GPC5: variants seen among roughly 807,000 people sequenced by gnomAD.
The protein encoded by GPC5 is glypican 5, also known as glypican-5.
In GPC5, 47 loss-of-function variants were observed where a neutral mutation model predicts 53.9. That is an observed-to-expected ratio of 0.87 (90% confidence interval 0.69 to 1.11). The LOEUF (loss-of-function observed/expected upper bound fraction) is 1.11. GPC5 is among the 50% of genes most tolerant of loss of function. GPC5 has a pLI of 0.00. For missense variants in GPC5, 748 were observed against 713.1 expected (o/e 1.05, Z -0.56); for synonymous variants, 286 against 263.3 (o/e 1.09, Z -0.84).
intron 7 of GPC5, among the ~76,000 whole-genome samples, chr13:92,579,385 T>A (rs2139051598): frequency 6.7e-6 from 1 of 149,234 alleles, no homozygotes; most frequent in East Asian, 2.0e-4. Flanking sequence ...TCTTGATGAA[T>A]AGAGTTGGTG....
In GPC5 at chr13:91,569,337, T is replaced by C. The variant is rs1003997567; in HGVS notation, c.325+120415T>C. 1.8e-4 allele frequency among the ~76,000 whole-genome samples: 28 copies of C among 152,180 alleles called. 1 individual carries two copies. The highest frequency in any genetic ancestry group is 1.6e-3 in the Admixed American group (24 of 15,254). On this transcript the variant is annotated intron_variant, in intron 2 of 7. Transcript: ENST00000377067. ...AAGATAAGTTCTAGGTCAGTGTTTC[T>C]AAATATTGTTTTTGTCATTGGCTGC...
At chr13:91,399,277 C>T (rs1463068115) in intron 1 of GPC5, 68 bp downstream of exon 1, 1 of 1,532,854 alleles carries the variant, frequency 6.5e-7, no homozygotes, top group Non-Finnish European at 8.8e-7. Context: ...CCCAGGCTCC[C>T]TTGGTGGCAC....
chr13:92,033,293 G>T (rs2040868258), intron 6 of GPC5, among the ~76,000 whole-genome samples: 1 of 152,064 alleles, frequency 6.6e-6, no homozygotes, highest in African/African-American at 2.4e-5. Flanking sequence ...GAGTATTAGA[G>T]TTGGAAAAAA....
At chr13:92,317,635 A>G (rs1234125405) in intron 7 of GPC5, among the ~76,000 whole-genome samples, 1 of 151,386 alleles carries the variant, frequency 6.6e-6, no homozygotes, top group Non-Finnish European at 1.5e-5. Flanking sequence ...CTGGGCTTAC[A>G]GGCATGCACA....
chr13:91,972,747 A>C (rs1421929685), intron 6 of GPC5, among the ~76,000 whole-genome samples: 3 of 152,270 alleles, frequency 2.0e-5, no homozygotes, highest in Middle Eastern at 3.4e-3. Flanking sequence ...GCTGGATATG[A>C]AATTCTGGGT....
At chr13:91,743,295 C>A (rs368456067) in intron 4 of GPC5, among the ~76,000 whole-genome samples, 1 of 151,996 alleles carries the variant, frequency 6.6e-6, no homozygotes, top group East Asian at 1.9e-4. Flanking sequence ...GTTCAAATTA[C>A]GATGAAATTG....
chr13:92,342,729 A>G (rs2043377497), intron 7 of GPC5, among the ~76,000 whole-genome samples: 1 of 152,108 alleles, frequency 6.6e-6, no homozygotes, highest in African/African-American at 2.4e-5. Context: ...AAATATGAGT[A>G]TTTTAATTCC....
chr13:91,497,067 T>C (rs1260569946), intron 2 of GPC5, among the ~76,000 whole-genome samples: 1 of 152,032 alleles, frequency 6.6e-6, no homozygotes, highest in Non-Finnish European at 1.5e-5. Flanking sequence ...TCCTGTCCTC[T>C]AAGTTGTTTT....
chr13:91,625,439 T>C (rs2033973387), intron 2 of GPC5, among the ~76,000 whole-genome samples: 7 of 152,222 alleles, frequency 4.6e-5, no homozygotes, highest in Admixed American at 4.6e-4. Context: ...TCTTTCTTTA[T>C]TGAGCATGGA....
chr13:92,000,526 GT>G (rs971384724), intron 6 of GPC5, among the ~76,000 whole-genome samples: 6 of 152,058 alleles, frequency 3.9e-5, no homozygotes, highest in African/African-American at 1.4e-4. Flanking sequence ...GGAATTTCCA[GT>G]TTTTTTGTTG....
At chr13:92,258,938 C>A (rs1362240232) in intron 7 of GPC5, among the ~76,000 whole-genome samples, 1 of 151,972 alleles carries the variant, frequency 6.6e-6, no homozygotes, top group Non-Finnish European at 1.5e-5. Context: ...TCTGGGAGAC[C>A]CTTGTCTCTA....
intron 7 of GPC5, among the ~76,000 whole-genome samples, chr13:92,162,145 T>C (rs1367014612): frequency 6.6e-6 from 1 of 151,822 alleles, no homozygotes; most frequent in Non-Finnish European, 1.5e-5. Context: ...TAAACTGCAT[T>C]ATGATGCTCA....
At chr13:92,739,659 T>A (rs2139308943) in intron 7 of GPC5, among the ~76,000 whole-genome samples, 1 of 151,808 alleles carries the variant, frequency 6.6e-6, no homozygotes, top group Middle Eastern at 3.4e-3. Flanking sequence ...CATCAATTTT[T>A]CTTTCTCTTC....
chr13:91,915,222 A>T (rs1449693813), intron 6 of GPC5, among the ~76,000 whole-genome samples: 3 of 152,216 alleles, frequency 2.0e-5, no homozygotes, highest in Admixed American at 6.5e-5. Flanking sequence ...AAAGTGTTGG[A>T]TGCACGCTCA....
chr13:92,046,987 T>G (rs572787970), intron 6 of GPC5, among the ~76,000 whole-genome samples: 1 of 152,352 alleles, frequency 6.6e-6, no homozygotes, highest in African/African-American at 2.4e-5. Flanking sequence ...TCTTGCCTCA[T>G]TAAATGCAGT....
rs902853423 is a variant in GPC5 at position 92,313,675 on chromosome 13, G to A, written c.1561+168686G>A. Among the ~76,000 whole-genome samples, 3 of 152,118 alleles carry A rather than the reference G, an allele frequency of 2.0e-5. No homozygotes were observed. The East Asian group carries it at 5.8e-4, about 29-fold the overall frequency. Reference sequence around the variant, plus strand: ...GCACTTCCATCAAACTGTTGGATGAGCCTCCCAACCAAAATCCCTCGTCTG... The same window carrying A: ...GCACTTCCATCAAACTGTTGGATGAACCTCCCAACCAAAATCCCTCGTCTG... On this transcript the variant is annotated intron_variant, in intron 7 of 7. Coordinates refer to ENST00000377067, the MANE Select transcript of GPC5 (RefSeq NM_004466.6).
At chr13:91,458,888 T>C (rs1881735579) in intron 2 of GPC5, among the ~76,000 whole-genome samples, 1 of 152,008 alleles carries the variant, frequency 6.6e-6, no homozygotes, top group Admixed American at 6.6e-5. Flanking sequence ...TATAAAAAGG[T>C]ACAAAATAAT....
At chr13:92,572,313 C>G (rs1364946272) in intron 7 of GPC5, among the ~76,000 whole-genome samples, 1 of 152,060 alleles carries the variant, frequency 6.6e-6, no homozygotes, top group Non-Finnish European at 1.5e-5. Context: ...CCCAAATGAC[C>G]TTCTTTGTCA....
chr13:92,656,649 A>T (rs1431719101), intron 7 of GPC5, among the ~76,000 whole-genome samples: 1 of 152,348 alleles, frequency 6.6e-6, no homozygotes. Context: ...TATGAACTGC[A>T]TTTGGTTGTT....
Sources: allele counts gnomAD v4.1 joint callset (sites outside exome capture counted in the v4.1 genomes callset), GRCh38; gene constraint gnomAD v4.1.1; transcripts MANE v1.5; gene names NCBI Gene and HGNC (gene_info 2026-07-23, HGNC 2026-07-21).